Variants in ABR observed in about 807,000 individuals in gnomAD.
The protein encoded by ABR is ABR activator of RhoGEF and GTPase, also known as active breakpoint cluster region-related protein.
Under a neutral mutation model 107.2 loss-of-function variants are expected in ABR, and 35 were observed. The observed-to-expected ratio is 0.33, with a 90% CI of 0.25 to 0.43. ABR has a LOEUF of 0.43. Among genes scored for constraint, ABR ranks in the 20% least tolerant of loss-of-function variants. The probability of loss-of-function intolerance (pLI) is 1.00; values close to 1 mark genes in which losing one functional copy is unlikely to be tolerated. For synonymous variants in ABR, 498 were observed against 462.0 expected (o/e 1.08, Z -1.00); for missense variants, 815 against 1,115.2 (o/e 0.73, Z 3.83).
Position 1,070,462 on chromosome 17 carries a change from A to G in ABR, c.895-372T>C, listed in dbSNP as rs2035144941. 6.6e-6 allele frequency among the ~76,000 whole-genome samples: 1 copy of G among 152,062 alleles called. No homozygotes were observed. On this transcript the variant is annotated intron_variant, in intron 8 of 22. Transcript: ENST00000302538. The surrounding 1 kb of genome is among the most constrained non-coding windows in gnomAD (Gnocchi z 4.2). ...CGGGGCTCTCCGCGGCTAACCCTGGAGCCCCCTGCCCGGGACGACCTGGTT... is the reference window on the plus strand; with the variant it reads ...CGGGGCTCTCCGCGGCTAACCCTGGGGCCCCCTGCCCGGGACGACCTGGTT...
intron 16 of ABR, among the ~76,000 whole-genome samples, chr17:1,022,120 A>AAAAAAAAAAAAC (rs56033950): frequency 0.038 from 4,484 of 118,052 alleles, 618 homozygotes; most frequent in African/African-American, 0.13. Flanking sequence ...AAAAAAAAAA[A>AAAAAAAAAAAAC]AAAAACAGAA....
intron 2 of ABR, among the ~76,000 whole-genome samples, chr17:1,111,282 C>T (rs982205175): frequency 6.6e-6 from 1 of 152,206 alleles, no homozygotes; most frequent in East Asian, 1.9e-4. Context: ...GAACCCCACA[C>T]AAGTGACTCC....
At chr17:1,192,360 A>T (rs1023859625) in intron 1 of ABR, among the ~76,000 whole-genome samples, 10 of 151,212 alleles carry the variant, frequency 6.6e-5, no homozygotes, top group African/African-American at 2.4e-4. Flanking sequence ...GCTTATGATA[A>T]TAGACTTCAG....
chr17:1,125,042 T>C (rs1047590757), intron 2 of ABR, 141 bp downstream of exon 2: 5 of 824,760 alleles, frequency 6.1e-6, no homozygotes, highest in Admixed American at 3.0e-5. Flanking sequence ...CAGGACGAGA[T>C]GACGAGGCAC....
intron 1 of ABR, among the ~76,000 whole-genome samples, chr17:1,199,279 C>T (rs917271224): frequency 7.3e-5 from 11 of 151,092 alleles, no homozygotes; most frequent in East Asian, 3.9e-4. Flanking sequence ...GAAGATCACC[C>T]GGGCTGCTGG....
At chr17:1,109,564 G>A (rs926003104) in intron 2 of ABR, among the ~76,000 whole-genome samples, 2 of 152,064 alleles carry the variant, frequency 1.3e-5, no homozygotes, top group Non-Finnish European at 2.9e-5. Flanking sequence ...GTGGAGCGGG[G>A]AGGCCGCTTC....
chr17:1,016,621 C>A (rs1056812595), intron 16 of ABR, among the ~76,000 whole-genome samples: 13 of 151,794 alleles, frequency 8.6e-5, no homozygotes, highest in Admixed American at 7.9e-4. Flanking sequence ...TGGCCCCTAC[C>A]CCAACATTTC....
intron 1 of ABR, among the ~76,000 whole-genome samples, chr17:1,223,931 G>A (rs887314830): frequency 1.6e-4 from 25 of 152,186 alleles, no homozygotes; most frequent in Admixed American, 1.1e-3. Context: ...GACAATTCGA[G>A]ATGAGATTTG....
intron 16 of ABR, chr17:1,031,512 ATCAGCCCCC>A: frequency 1.6e-6 from 1 of 636,190 alleles, no homozygotes; most frequent in East Asian, 4.1e-5. Flanking sequence ...GCGGGACCCC[ATCAGCCCCC>A]GCAGCCCCCG....
chr17:1,109,048 C>T (rs766969134), intron 2 of ABR: 1 of 1,596,540 alleles, frequency 6.3e-7, no homozygotes, highest in Non-Finnish European at 8.5e-7. Context: ...GCAAGCCTAT[C>T]GCCTCCTCTT....
chr17:1,197,808 A>C (rs956014391), intron 1 of ABR, among the ~76,000 whole-genome samples: 8 of 151,684 alleles, frequency 5.3e-5, no homozygotes, highest in African/African-American at 7.3e-5. Flanking sequence ...GCGCTCACCC[A>C]AACCAGACCG....
chr17:1,064,992 G>A (rs528498481), intron 10 of ABR, among the ~76,000 whole-genome samples: 15 of 77,242 alleles, frequency 1.9e-4, no homozygotes, highest in South Asian at 5.3e-4. Context: ...TGAGGGCTAT[G>A]CATGTTCCTC....
Position 1,027,762 on chromosome 17 carries a change from A to G in ABR, c.1792-14598T>C, listed in dbSNP as rs7218427. On this transcript the variant is annotated intron_variant, in intron 16 of 22. Transcript: ENST00000302538. The surrounding 1 kb of genome is among the most constrained non-coding windows in gnomAD (Gnocchi z 4.7). ...GGTCGCTATGGGGGTGTGTGTGAAC[A>G]GAGAAGACGCACGATGAAGCTTTCT... 5.3e-5 allele frequency among the ~76,000 whole-genome samples: 8 copies of G among 151,582 alleles called. No individual in the cohort carries two copies. Among genetic ancestry groups the G allele is most frequent in the Non-Finnish European group, 8.8e-5 (6 of 67,854 alleles).
intron 16 of ABR, among the ~76,000 whole-genome samples, chr17:1,018,309 T>C (rs958339306): frequency 6.6e-6 from 1 of 152,222 alleles, no homozygotes; most frequent in Admixed American, 6.5e-5. Flanking sequence ...CCCAAAGTGC[T>C]GGGATTACGG....
intron 3 of ABR, among the ~76,000 whole-genome samples, chr17:1,093,960 C>T (rs1239607709): frequency 1.3e-5 from 2 of 152,188 alleles, no homozygotes; most frequent in Non-Finnish European, 2.9e-5. Flanking sequence ...TTCTGACCCT[C>T]GCCGCGCTAG....
intron 1 of ABR, chr17:1,228,302 G>C (rs2043260888): frequency 6.6e-6 from 1 of 152,450 alleles, no homozygotes; most frequent in African/African-American, 2.4e-5. Flanking sequence ...GAGCAGCCTG[G>C]AGAAGAGGAG....
intron 16 of ABR, among the ~76,000 whole-genome samples, chr17:1,039,092 C>G (rs1035317020): frequency 3.3e-5 from 5 of 152,224 alleles, no homozygotes; most frequent in African/African-American, 1.2e-4. Flanking sequence ...GCACCCAGAG[C>G]TGAGAACACC....
intron 1 of ABR, among the ~76,000 whole-genome samples, chr17:1,137,959 G>A (rs1026058810): frequency 6.6e-6 from 1 of 151,268 alleles, no homozygotes; most frequent in African/African-American, 2.4e-5. Context: ...GGAGAGCAGT[G>A]GCACAATTTC....
At chr17:1,115,742 T>C (rs1266055542) in intron 2 of ABR, among the ~76,000 whole-genome samples, 2 of 151,472 alleles carry the variant, frequency 1.3e-5, no homozygotes, top group African/African-American at 4.9e-5. Flanking sequence ...CTGGCCAACG[T>C]GGTGAAACCC....
Sources: allele counts gnomAD v4.1 joint callset (sites outside exome capture counted in the v4.1 genomes callset), GRCh38; gene constraint gnomAD v4.1.1; non-coding constraint Gnocchi (gnomAD v3.1); transcripts MANE v1.5; gene names NCBI Gene and HGNC (gene_info 2026-07-23, HGNC 2026-07-21).